KCNB2: variants seen among roughly 807,000 people sequenced by gnomAD.
KCNB2 encodes the protein delayed rectifier potassium channel protein.
Under a neutral mutation model 61.5 loss-of-function variants are expected in KCNB2, and 15 were observed. The ratio of observed to expected loss-of-function variants is 0.24; its 90% CI spans 0.16 to 0.38. The LOEUF (loss-of-function observed/expected upper bound fraction) is 0.38. Ranked by LOEUF, KCNB2 falls within the 10% of genes least tolerant of loss-of-function variation. The probability of loss-of-function intolerance (pLI) is 1.00; values close to 1 mark genes in which losing one functional copy is unlikely to be tolerated. For missense variants in KCNB2, 828 were observed against 1,125.2 expected (o/e 0.74, Z 3.78); for synonymous variants, 457 against 446.0 (o/e 1.02, Z -0.31).
At chr8:72,666,055 C>A (rs1806466702) in intron 2 of KCNB2, among the ~76,000 whole-genome samples, 1 of 152,224 alleles carries the variant, frequency 6.6e-6, no homozygotes, top group Admixed American at 6.5e-5. Context: ...CAACTATGAC[C>A]ATGTGTCTAT....
rs79063521 is a variant in KCNB2 at position 72,559,100 on chromosome 8, G to C, written c.-93-8542G>C. On this transcript the variant is annotated intron_variant, in intron 1 of 2. Transcript: ENST00000523207. Reference sequence around the variant, plus strand: ...GACCTTGAAGTCTTTGTATAGTGTTGTGTCTTTTTCTTTCTTTATTTTATT... The same window carrying C: ...GACCTTGAAGTCTTTGTATAGTGTTCTGTCTTTTTCTTTCTTTATTTTATT... Among the ~76,000 whole-genome samples, 366 of 151,620 alleles carry C rather than the reference G, an allele frequency of 2.4e-3. 1 individual carries two copies. Among genetic ancestry groups the C allele is most frequent in the African/African-American group, 8.4e-3 (348 of 41,390 alleles).
At chr8:72,800,740 G>A (rs2128999514) in intron 2 of KCNB2, among the ~76,000 whole-genome samples, 1 of 152,318 alleles carries the variant, frequency 6.6e-6, no homozygotes, top group East Asian at 1.9e-4. Flanking sequence ...GCAATTGGCT[G>A]CCGTTGTGTT....
intron 2 of KCNB2, among the ~76,000 whole-genome samples, chr8:72,843,216 G>T (rs1057214242): frequency 2.6e-5 from 4 of 152,108 alleles, no homozygotes; most frequent in African/African-American, 9.7e-5. Flanking sequence ...CCAGGAGCAG[G>T]TTGTTCAGTT....
intron 2 of KCNB2, among the ~76,000 whole-genome samples, chr8:72,762,467 A>G (rs1312835368): frequency 6.6e-6 from 1 of 152,162 alleles, no homozygotes; most frequent in Admixed American, 6.5e-5. Context: ...TAACATCTCC[A>G]TTACTCAAAT....
rs774224955 is a variant in KCNB2, at chr8:72,725,510, CATATATAT to C, written c.579+157220_579+157227del. Among the ~76,000 whole-genome samples the C allele has an allele frequency of 6.0e-3, 355 of 58,840 alleles. 10 individuals are homozygous for C. Among genetic ancestry groups the C allele is most frequent in the African/African-American group, 0.021 (335 of 15,944 alleles). 38.6% of individuals were successfully genotyped at this position (58,840 alleles called of 152,430 possible). A position where few individuals can be genotyped will look rare whatever the true frequency, so the allele number is the denominator to read the frequency against. On this transcript the variant is annotated intron_variant, in intron 2 of 2. Coordinates refer to ENST00000523207, the MANE Select transcript of KCNB2 (RefSeq NM_004770.3). ...ATATTTGGCTTGCTTTCTTTGTCTTCATATATATATATATATATATATATATATATGTG... is the reference window on the plus strand; with the variant it reads ...ATATTTGGCTTGCTTTCTTTGTCTTCATATATATATATATATATATATGTG...
At chr8:72,627,477 T>C (rs917162393) in intron 2 of KCNB2, among the ~76,000 whole-genome samples, 1 of 152,264 alleles carries the variant, frequency 6.6e-6, no homozygotes, top group African/African-American at 2.4e-5. Flanking sequence ...TCTGTACTTC[T>C]TTTGAAAATT....
At chr8:72,814,810 T>C (rs780657737) in intron 2 of KCNB2, among the ~76,000 whole-genome samples, 16 of 152,294 alleles carry the variant, frequency 1.1e-4, no homozygotes, top group Middle Eastern at 6.8e-3. Context: ...CATTGCCAAG[T>C]GTGTGTAATA....
intron 2 of KCNB2, among the ~76,000 whole-genome samples, chr8:72,706,050 G>T (rs1205933244): frequency 6.6e-6 from 1 of 152,216 alleles, no homozygotes; most frequent in African/African-American, 2.4e-5. Context: ...CAGCAGACCT[G>T]GCTAGGGAGG....
intron 2 of KCNB2, among the ~76,000 whole-genome samples, chr8:72,626,879 C>A (rs368762059): frequency 3.2e-4 from 49 of 152,310 alleles, no homozygotes; most frequent in African/African-American, 1.1e-3. Flanking sequence ...TTGAAAAACT[C>A]TTTCAAGTAA....
chr8:72,786,500 G>A (rs901847368), intron 2 of KCNB2, among the ~76,000 whole-genome samples: 1 of 152,142 alleles, frequency 6.6e-6, no homozygotes, highest in African/African-American at 2.4e-5. Context: ...ACTGCAATAT[G>A]AGATTGGTTT....
At chr8:72,927,574 A>C (rs1040113214) in intron 2 of KCNB2, among the ~76,000 whole-genome samples, 1 of 151,460 alleles carries the variant, frequency 6.6e-6, no homozygotes, top group East Asian at 1.9e-4. Context: ...CCGACCCCCA[A>C]CTCTTTTCTG....
At chr8:72,624,173 A>G (rs1279104677) in intron 2 of KCNB2, among the ~76,000 whole-genome samples, 2 of 152,212 alleles carry the variant, frequency 1.3e-5, no homozygotes, top group Non-Finnish European at 2.9e-5. Flanking sequence ...CTATTTTACA[A>G]ATATATGCTA....
At chr8:72,932,026 C>CAAA (rs397970442) in intron 2 of KCNB2, among the ~76,000 whole-genome samples, 4 of 151,262 alleles carry the variant, frequency 2.6e-5, no homozygotes, top group Admixed American at 6.6e-5. Context: ...AACAAACAAA[C>CAAA]AAAAAAAACT....
intron 2 of KCNB2, among the ~76,000 whole-genome samples, chr8:72,846,632 A>T (rs1809999327): frequency 6.6e-6 from 1 of 152,238 alleles, no homozygotes; most frequent in African/African-American, 2.4e-5. Context: ...GAAGACATTT[A>T]TGCAGCCAAC....
chr8:72,608,561 G>A (rs1805490181), intron 2 of KCNB2, among the ~76,000 whole-genome samples: 1 of 152,132 alleles, frequency 6.6e-6, no homozygotes, highest in Non-Finnish European at 1.5e-5. Flanking sequence ...CTGTAAGTTA[G>A]AAATGCCTGT....
rs537323534 is a variant in KCNB2, at chr8:72,626,722, A to C, written c.579+58409A>C. Among the ~76,000 whole-genome samples the C allele has an allele frequency of 3.9e-5, 6 of 152,340 alleles. No homozygotes were observed. The East Asian group carries it at 1.2e-3, about 29-fold the overall frequency. ...AATGTTGGGGTTACAATTTTAATTCAGGCAGTCTGGTTGCAGAACTGGTGC... is the reference window on the plus strand; with the variant it reads ...AATGTTGGGGTTACAATTTTAATTCCGGCAGTCTGGTTGCAGAACTGGTGC... On this transcript the variant is annotated intron_variant, in intron 2 of 2. Coordinates refer to ENST00000523207, the MANE Select transcript of KCNB2 (RefSeq NM_004770.3).
intron 2 of KCNB2, among the ~76,000 whole-genome samples, chr8:72,930,811 A>G (rs1472498004): frequency 6.6e-6 from 1 of 152,032 alleles, no homozygotes; most frequent in Non-Finnish European, 1.5e-5. Context: ...ATTAGATCCC[A>G]TTTGTCAATT....
At chr8:72,841,028 T>C (rs1174546823) in intron 2 of KCNB2, among the ~76,000 whole-genome samples, 1 of 152,244 alleles carries the variant, frequency 6.6e-6, no homozygotes, top group East Asian at 1.9e-4. Context: ...AGGGTTTTTA[T>C]GGTTTCAGGT....
intron 2 of KCNB2, among the ~76,000 whole-genome samples, chr8:72,589,351 A>T (rs1398816730): frequency 6.6e-6 from 1 of 152,198 alleles, no homozygotes. Context: ...AGTCTAAAAA[A>T]AGAAAAAAAG....
Sources: gnomAD v4.1 joint callset for allele counts (sites outside exome capture counted in the v4.1 genomes callset) on GRCh38, gnomAD v4.1.1 for gene constraint, MANE v1.5 for transcripts, NCBI Gene and HGNC (gene_info 2026-07-23, HGNC 2026-07-21) for gene names.